TRMT11: variants seen among roughly 807,000 people sequenced by gnomAD.
The protein encoded by TRMT11 is tRNA (guanine(10)-N(2))-methyltransferase TRMT11.
TRMT11 carries 53 observed loss-of-function variants against 62.8 expected under a neutral mutation model. The observed-to-expected ratio is 0.84, with a 90% CI of 0.68 to 1.06. The LOEUF (loss-of-function observed/expected upper bound fraction) is 1.06. Among genes scored for constraint, TRMT11 ranks in the 50% least tolerant of loss-of-function variants. The pLI is 0.00. For missense variants in TRMT11, 556 were observed against 553.4 expected, an observed-to-expected ratio of 1.00 and a Z score of -0.05; for synonymous variants, 188 against 190.3, an observed-to-expected ratio of 0.99 and a Z score of 0.10.
chr6:126,024,435 T>C (rs1469003588), intron 12 of TRMT11, among the ~76,000 whole-genome samples: 1 of 152,196 alleles, frequency 6.6e-6, no homozygotes, highest in East Asian at 1.9e-4. Context: ...TTAGACAGTG[T>C]CTCACTCTAT....
chr6:126,124,260 G>A (rs1014542839), intron 21 of TRMT11, among the ~76,000 whole-genome samples: 9 of 152,068 alleles, frequency 5.9e-5, no homozygotes, highest in South Asian at 2.1e-4. Flanking sequence ...TCTTGGGTCC[G>A]TTAGTTTCTC....
At chr6:126,253,639 C>G in the TRMT11 span, among the ~76,000 whole-genome samples, 1 of 152,178 alleles carries the variant, frequency 6.6e-6, no homozygotes, top group Non-Finnish European at 1.5e-5. Context: ...AATTTTTCAG[C>G]TCCATTATAC....
At chr6:126,244,796 A>C in the TRMT11 span, among the ~76,000 whole-genome samples, 1 of 152,172 alleles carries the variant, frequency 6.6e-6, no homozygotes. Context: ...AATTTATTTG[A>C]TATCCTTGAC....
At chr6:126,192,003 CA>C (rs1273786277) in intron 1 of TRMT11, among the ~76,000 whole-genome samples, 2 of 151,948 alleles carry the variant, frequency 1.3e-5, no homozygotes, top group Non-Finnish European at 2.9e-5. Context: ...GGTAATTTGA[CA>C]AAAATTGTAC....
chr6:126,127,016 C>G (rs1437026801), intron 21 of TRMT11, among the ~76,000 whole-genome samples: 1 of 152,108 alleles, frequency 6.6e-6, no homozygotes, highest in Non-Finnish European at 1.5e-5. Context: ...GAGATATACA[C>G]TCAACAAAAA....
intron 2 of TRMT11, 36 bp downstream of exon 2, chr6:125,993,858 C>G (rs190321362): frequency 1.5e-6 from 2 of 1,298,908 alleles, no homozygotes; most frequent in East Asian, 4.7e-5. Flanking sequence ...ATGGAGTATA[C>G]TTAGAAATAG....
chr6:126,142,312 G>A (rs1777926035), intron 21 of TRMT11, among the ~76,000 whole-genome samples: 1 of 152,076 alleles, frequency 6.6e-6, no homozygotes, highest in East Asian at 1.9e-4. Context: ...ACATCCTTGA[G>A]AGATGCTTCT....
intron 21 of TRMT11, among the ~76,000 whole-genome samples, chr6:126,161,559 T>C (rs1778190382): frequency 6.6e-6 from 1 of 152,206 alleles, no homozygotes; most frequent in Non-Finnish European, 1.5e-5. Flanking sequence ...CATGTGTCTT[T>C]ATATTAGAAT....
rs10581882 is a variant in TRMT11 at position 126,022,051 on chromosome 6, GTTTTTTTTTTTT to G, written c.1260+786_1260+797del. ...GGTAGTGTCTGAAGATTTTTCCTTA[GTTTTTTTTTTTT>G]TTTTTTTTTTTTTTGAGACGGAGTT... On this transcript the variant is annotated intron_variant, in intron 12 of 12. Transcript: ENST00000334379. Among the ~76,000 whole-genome samples, 113 of 52,292 alleles carry G rather than the reference GTTTTTTTTTTTT, an allele frequency of 2.2e-3. 1 individual carries two copies. In the Admixed American group the frequency reaches 0.026, roughly 12 times the overall value. The allele number at this position is 52,292 out of a possible 152,430, so 34.3% of individuals were successfully genotyped here.
At chr6:126,130,556 A>G (rs1777770179) in intron 21 of TRMT11, among the ~76,000 whole-genome samples, 1 of 143,100 alleles carries the variant, frequency 7.0e-6, no homozygotes, top group African/African-American at 2.7e-5. Flanking sequence ...GATAAAACGC[A>G]GAGGTTCCTT....
intron 1 of TRMT11, among the ~76,000 whole-genome samples, chr6:126,192,454 C>T (rs890697999): frequency 3.9e-5 from 6 of 152,034 alleles, no homozygotes; most frequent in African/African-American, 1.4e-4. Flanking sequence ...CCTAACTGCT[C>T]TTGGCTAAGA....
At chr6:126,130,579 G>GT (rs11298242) in intron 21 of TRMT11, among the ~76,000 whole-genome samples, 11 of 151,452 alleles carry the variant, frequency 7.3e-5, no homozygotes, top group South Asian at 2.1e-4. Context: ...ATGTTTTACT[G>GT]TTTTTTTTTG....
intron 21 of TRMT11, among the ~76,000 whole-genome samples, chr6:126,163,924 G>A (rs1024562410): frequency 3.9e-5 from 6 of 152,130 alleles, no homozygotes; most frequent in Non-Finnish European, 8.8e-5. Context: ...CAAAAAGCCT[G>A]CTCCTGGATT....
chr6:126,251,435 A>T, the TRMT11 span, among the ~76,000 whole-genome samples: 1 of 152,190 alleles, frequency 6.6e-6, no homozygotes, highest in East Asian at 1.9e-4. Context: ...AAGCTAATTA[A>T]TATACTCCTT....
chr6:126,004,604 G>A (rs959934198), intron 7 of TRMT11, among the ~76,000 whole-genome samples: 1 of 151,956 alleles, frequency 6.6e-6, no homozygotes, highest in Admixed American at 6.6e-5. Flanking sequence ...ACGTAGCTCT[G>A]TGTCCTTCTC....
At chr6:126,244,734 A>G in the TRMT11 span, among the ~76,000 whole-genome samples, 1 of 152,160 alleles carries the variant, frequency 6.6e-6, no homozygotes, top group Admixed American at 6.5e-5. Flanking sequence ...TTTTTTCAAC[A>G]TCCTACTCCA....
chr6:126,196,446 T>C lies in TRMT11; in HGVS notation n.144-2353T>C, dbSNP rs143607179. Among the ~76,000 whole-genome samples, 435 of 152,206 alleles carry C rather than the reference T, an allele frequency of 2.9e-3. 4 individuals are homozygous for C. Among genetic ancestry groups the C allele is most frequent in the African/African-American group, 1.0e-2 (415 of 41,548 alleles). ...GGCATCAAAATCAATCCCTCATCTA[T>C]CTGATTAACAATATTATTTTCAATA... On this transcript the variant is annotated intron_variant and non_coding_transcript_variant, in intron 1 of 3. Transcript: ENST00000444229.
intron 1 of TRMT11, among the ~76,000 whole-genome samples, chr6:125,987,776 T>C (rs185617345): frequency 6.6e-6 from 1 of 152,028 alleles, no homozygotes; most frequent in Admixed American, 6.5e-5. Flanking sequence ...TAGGTAGGAG[T>C]GTCTCCATTT....
intron 1 of TRMT11, among the ~76,000 whole-genome samples, chr6:126,189,089 C>T (rs1477783268): frequency 6.6e-6 from 1 of 152,066 alleles, no homozygotes; most frequent in Non-Finnish European, 1.5e-5. Flanking sequence ...AGACTGAAAG[C>T]AGAGCCTTTA....
Sources: gnomAD v4.1 joint callset for allele counts (sites outside exome capture counted in the v4.1 genomes callset) on GRCh38, gnomAD v4.1.1 for gene constraint, MANE v1.5 for transcripts, NCBI Gene and HGNC (gene_info 2026-07-23, HGNC 2026-07-21) for gene names.